Variants in WDR7 observed in about 807,000 individuals in gnomAD.
WDR7 encodes the protein WD repeat domain 7, also known as WD repeat-containing protein 7.
Under a neutral mutation model 169.4 loss-of-function variants are expected in WDR7, and 46 were observed. That is an observed-to-expected ratio of 0.27 (90% CI 0.21 to 0.35). The LOEUF is 0.35. Ranked by LOEUF, WDR7 falls within the 10% of genes least tolerant of loss-of-function variation. The pLI is 1.00. For missense variants in WDR7, 1,534 were observed against 1,859.3 expected (o/e 0.83, Z 3.22); for synonymous variants, 612 against 666.8 (o/e 0.92, Z 1.27).
intron 20 of WDR7, among the ~76,000 whole-genome samples, chr18:56,862,811 T>C (rs1428890241): frequency 1.3e-5 from 2 of 151,892 alleles, no homozygotes; most frequent in Admixed American, 6.6e-5. Context: ...ATTGATATTC[T>C]GGTAACCATG....
chr18:56,910,846 G>A (rs1000439295), intron 21 of WDR7, among the ~76,000 whole-genome samples: 4 of 152,118 alleles, frequency 2.6e-5, no homozygotes, highest in South Asian at 2.1e-4. Context: ...AAGGATCAGC[G>A]CATCCTTATT....
At chr18:56,663,522 A>T (rs2024950539) in intron 1 of WDR7, among the ~76,000 whole-genome samples, 1 of 152,074 alleles carries the variant, frequency 6.6e-6, no homozygotes, top group Non-Finnish European at 1.5e-5. Flanking sequence ...TCATCATGGT[A>T]TGTATAAGTT....
chr18:56,719,884 T>G (rs561445858), intron 13 of WDR7, among the ~76,000 whole-genome samples: 1 of 152,296 alleles, frequency 6.6e-6, no homozygotes, highest in South Asian at 2.1e-4. Context: ...TAAAATGAGA[T>G]AATATTTCCC....
intron 26 of WDR7, among the ~76,000 whole-genome samples, chr18:56,982,627 G>A (rs951217645): frequency 6.6e-6 from 1 of 152,070 alleles, no homozygotes; most frequent in Non-Finnish European, 1.5e-5. Flanking sequence ...TCTGGGTTTG[G>A]CATTGATTTT....
In WDR7 at chr18:56,935,785, T is replaced by A. The variant is rs537809949; in HGVS notation, c.3714-3T>A. The A allele has an allele frequency of 6.2e-7, 1 of 1,613,628 alleles. No homozygotes were observed. Among genetic ancestry groups the A allele is most frequent in the South Asian group, 1.1e-5 (1 of 91,058 alleles). The stretch of plus-strand genomic sequence containing the variant: ...TTTTTCCCTTTTTCTGATCCCTGTT[T>A]AGCATCACAATGGGGTTGCCTCTGA... On this transcript the variant is annotated splice_region_variant and splice_polypyrimidine_tract_variant and intron_variant, in intron 22 of 27. Transcript: ENST00000254442.
chr18:56,833,134 A>G (rs1292812119), intron 20 of WDR7, among the ~76,000 whole-genome samples: 1 of 152,060 alleles, frequency 6.6e-6, no homozygotes, highest in Non-Finnish European at 1.5e-5. Context: ...CAGTTTAGAG[A>G]AGAACATAAA....
chr18:56,787,943 G>A (rs1464235336), intron 19 of WDR7, among the ~76,000 whole-genome samples: 1 of 152,178 alleles, frequency 6.6e-6, no homozygotes, highest in Admixed American at 6.5e-5. Context: ...AGGATAGGGA[G>A]AGAGTTTGAT....
At position 56,960,187 on chromosome 18, in the gene WDR7, C is replaced by T. The variant is rs190123279; in HGVS notation, c.4065-2243C>T. Among the ~76,000 whole-genome samples, 6 of 152,018 alleles carry T rather than the reference C, an allele frequency of 3.9e-5. No homozygotes were observed. In the East Asian group the frequency reaches 5.8e-4, roughly 15 times the overall value. On this transcript the variant is annotated intron_variant, in intron 25 of 27. Coordinates refer to ENST00000254442, the MANE Select transcript of WDR7 (RefSeq NM_015285.3). ...TATATGGTCCTTTCAGGAAAAGTAACGATTTGATTCCAGGAATAGATTTGA... is the reference window on the plus strand; with the variant it reads ...TATATGGTCCTTTCAGGAAAAGTAATGATTTGATTCCAGGAATAGATTTGA...
chr18:57,027,112 C>T lies in WDR7; in HGVS notation c.4378C>T (p.His1460Tyr), dbSNP rs1599258790. Residue 1460 changes from histidine (H) to tyrosine (Y), a missense_variant, in exon 28 of 28, where the codon CAC becomes TAC. Coordinates refer to ENST00000254442, the MANE Select transcript of WDR7 (RefSeq NM_015285.3). The part of the protein sequence containing the change: ...PPVQPASPGS[H>Y]NALKLARLIW... Reference sequence around the variant, plus strand: ...TGTGCAGCCCGCGTCCCCCGGCTCCCACAATGCCCTCAAGCTGGCCCGGCT... The same window carrying T: ...TGTGCAGCCCGCGTCCCCCGGCTCCTACAATGCCCTCAAGCTGGCCCGGCT... 3.1e-6 allele frequency: 5 copies of T among 1,614,220 alleles called. No individual in the cohort carries two copies. Among genetic ancestry groups the T allele is most frequent in the Non-Finnish European group, 4.2e-6 (5 of 1,180,046 alleles).
rs199833144 is a variant in WDR7 at position 56,852,565 on chromosome 18, G to GTTTTAAT, written c.3305-27378_3305-27372dup. Among the ~76,000 whole-genome samples the GTTTTAAT allele has an allele frequency of 8.2e-3, 1,240 of 152,130 alleles. 20 individuals are homozygous for GTTTTAAT. Among genetic ancestry groups the GTTTTAAT allele is most frequent in the African/African-American group, 0.026 (1,088 of 41,484 alleles). On this transcript the variant is annotated intron_variant, in intron 20 of 27. Coordinates refer to ENST00000254442, the MANE Select transcript of WDR7 (RefSeq NM_015285.3). ...AGTGCCTGTCTTAGAAATTTACTATGTTTTAATATTCACTCAAATATCAAG... is the reference window on the plus strand; with the variant it reads ...AGTGCCTGTCTTAGAAATTTACTATGTTTTAATTTTTAATATTCACTCAAATATCAAG...
At chr18:56,734,541 A>G (rs1226847138) in intron 14 of WDR7, among the ~76,000 whole-genome samples, 4 of 150,450 alleles carry the variant, frequency 2.7e-5, no homozygotes, top group Non-Finnish European at 4.4e-5. Flanking sequence ...AAAAAAAAAA[A>G]GCTTGAAATA....
intron 20 of WDR7, among the ~76,000 whole-genome samples, chr18:56,817,020 G>A (rs1222821487): frequency 1.3e-5 from 2 of 151,992 alleles, no homozygotes; most frequent in African/African-American, 4.8e-5. Flanking sequence ...AAAGAAGCAT[G>A]CCCAGAAAAT....
chr18:56,840,771 A>T (rs2045473081), intron 20 of WDR7, among the ~76,000 whole-genome samples: 2 of 151,378 alleles, frequency 1.3e-5, no homozygotes, highest in Admixed American at 1.3e-4. Flanking sequence ...GTAAGCTGTG[A>T]TTGCATCACT....
intron 19 of WDR7, among the ~76,000 whole-genome samples, chr18:56,794,972 C>A (rs996541446): frequency 2.0e-5 from 3 of 152,126 alleles, no homozygotes; most frequent in Non-Finnish European, 4.4e-5. Context: ...TAAATTCTAA[C>A]ATTCCTTCCT....
intron 20 of WDR7, among the ~76,000 whole-genome samples, chr18:56,857,806 C>A (rs1044320789): frequency 6.6e-6 from 1 of 151,994 alleles, no homozygotes; most frequent in African/African-American, 2.4e-5. Context: ...GTATGGGAGC[C>A]CAGAGGACCG....
intron 14 of WDR7, among the ~76,000 whole-genome samples, chr18:56,744,278 A>C (rs1287471941): frequency 2.0e-5 from 3 of 148,186 alleles, no homozygotes; most frequent in Non-Finnish European, 4.5e-5. Context: ...AAGAAAGAGC[A>C]CAGGCTGGGT....
intron 12 of WDR7, among the ~76,000 whole-genome samples, chr18:56,709,056 A>G (rs2026026131): frequency 6.6e-6 from 1 of 152,244 alleles, no homozygotes. Flanking sequence ...GCATTTTAAT[A>G]TTTTAAAGGC....
chr18:56,931,247 A>G (rs1183216677), intron 22 of WDR7, among the ~76,000 whole-genome samples: 1 of 152,200 alleles, frequency 6.6e-6, no homozygotes, highest in East Asian at 1.9e-4. Flanking sequence ...TTTACACTGC[A>G]GTTTCCAGAA....
intron 26 of WDR7, among the ~76,000 whole-genome samples, chr18:56,976,334 A>G (rs1309121301): frequency 6.6e-6 from 1 of 152,220 alleles, no homozygotes; most frequent in Non-Finnish European, 1.5e-5. Context: ...CTACAGACTG[A>G]TAGGAAAGAC....
Sources: gnomAD v4.1 joint callset for allele counts (sites outside exome capture counted in the v4.1 genomes callset) on GRCh38, gnomAD v4.1.1 for gene constraint, MANE v1.5 for transcripts, NCBI Gene and HGNC (gene_info 2026-07-23, HGNC 2026-07-21) for gene names.